RBKS: variants seen among roughly 807,000 people sequenced by gnomAD.
RBKS encodes the protein ribokinase.
RBKS carries 33 observed loss-of-function variants against 33.9 expected under a neutral mutation model. That is an observed-to-expected ratio of 0.97 (90% CI 0.74 to 1.30). The LOEUF (loss-of-function observed/expected upper bound fraction) is 1.30, where lower values mean the gene tolerates loss of function less well. Ranked by LOEUF, RBKS falls within the 50% of genes most tolerant of loss-of-function variation. RBKS has a pLI of 0.00. For synonymous variants in RBKS, 125 were observed against 143.0 expected, an observed-to-expected ratio of 0.87 and a Z score of 0.90; for missense variants, 361 against 392.6, an observed-to-expected ratio of 0.92 and a Z score of 0.68.
At chr2:27,857,556 G>T (rs189299645) in intron 2 of RBKS, among the ~76,000 whole-genome samples, 40 of 152,312 alleles carry the variant, frequency 2.6e-4, no homozygotes, top group Middle Eastern at 6.8e-3. Context: ...AGCATTAGAA[G>T]AAAATGACTT....
chr2:27,811,320 C>G (rs1378971412), intron 7 of RBKS, among the ~76,000 whole-genome samples: 1 of 152,186 alleles, frequency 6.6e-6, no homozygotes, highest in Non-Finnish European at 1.5e-5. Context: ...TCTTATTATG[C>G]CAGTGTGTCC....
chr2:27,815,914 T>C (rs1488969587), intron 7 of RBKS, among the ~76,000 whole-genome samples: 2 of 152,226 alleles, frequency 1.3e-5, no homozygotes, highest in Non-Finnish European at 2.9e-5. Flanking sequence ...TTTTCTGTAC[T>C]GTACATCCAC....
chr2:27,799,848 C>T (rs1340061636), intron 7 of RBKS, among the ~76,000 whole-genome samples: 2 of 152,144 alleles, frequency 1.3e-5, no homozygotes, highest in African/African-American at 4.8e-5. Flanking sequence ...GCTTGCTCTG[C>T]GCTCTCTTCC....
At chr2:27,854,465 A>T (rs1663812015) in intron 2 of RBKS, among the ~76,000 whole-genome samples, 1 of 152,206 alleles carries the variant, frequency 6.6e-6, no homozygotes, top group African/African-American at 2.4e-5. Context: ...ACGCTGGCTG[A>T]AAAGAGGAAA....
At chr2:27,834,761 C>T (rs1171365421) in intron 5 of RBKS, among the ~76,000 whole-genome samples, 1 of 152,188 alleles carries the variant, frequency 6.6e-6, no homozygotes, top group Non-Finnish European at 1.5e-5. Context: ...AGCATTTGAG[C>T]ACAGATTAGA....
At chr2:27,824,291 A>C (rs1228542226) in intron 7 of RBKS, among the ~76,000 whole-genome samples, 1 of 152,204 alleles carries the variant, frequency 6.6e-6, no homozygotes, top group Non-Finnish European at 1.5e-5. Context: ...GTATTGTCAC[A>C]ATGTTGTACA....
chr2:27,830,988 G>A (rs1678405469), intron 6 of RBKS, among the ~76,000 whole-genome samples: 1 of 152,144 alleles, frequency 6.6e-6, no homozygotes, highest in Non-Finnish European at 1.5e-5. Context: ...TACATGTTCT[G>A]GCCAACAACC....
intron 4 of RBKS, among the ~76,000 whole-genome samples, chr2:27,845,583 G>A (rs2148212878): frequency 6.6e-6 from 1 of 152,338 alleles, no homozygotes; most frequent in South Asian, 2.1e-4. Context: ...GGAATGAGCT[G>A]CTGTTGGCAG....
chr2:27,888,501 T>C (rs1664599849), intron 1 of RBKS, among the ~76,000 whole-genome samples: 2 of 152,238 alleles, frequency 1.3e-5, no homozygotes, highest in Admixed American at 1.3e-4. Flanking sequence ...GGATTTCCCA[T>C]GGAATGAATC....
chr2:27,890,301 C>G lies in RBKS; in HGVS notation c.45G>C (p.Val15=). The change falls in exon 1 of 8, where the codon GTG becomes GTC. Residue 15 remains valine, a synonymous_variant. Transcript: ENST00000302188. This position sits in a 1 kb window ranked among gnomAD's most constrained non-coding sequence, Gnocchi z 4.8. Reference sequence around the variant, plus strand: ...AGGAGCCCACCACTACCACCGCCGCCACCTCCTCTTGCCACTGCCTCTGGG... The same window carrying G: ...AGGAGCCCACCACTACCACCGCCGCGACCTCCTCTTGCCACTGCCTCTGGG... ...GEPQRQWQEE[V]AAVVVVGSCM... is the part of the protein sequence containing the mutation. 1 of 1,613,922 alleles carries G rather than the reference C, an allele frequency of 6.2e-7. No homozygotes were observed. The highest frequency in any genetic ancestry group is 8.5e-7 in the Non-Finnish European group (1 of 1,180,028).
At chr2:27,829,066 T>C (rs546539020) in intron 6 of RBKS, among the ~76,000 whole-genome samples, 14 of 152,192 alleles carry the variant, frequency 9.2e-5, no homozygotes, top group Admixed American at 3.3e-4. Flanking sequence ...TAATCTTTTA[T>C]TTTTGTAGAG....
At position 27,859,451 on chromosome 2, in the gene RBKS, G is replaced by A. The variant is rs367799907; in HGVS notation, c.90-880C>T. Among the ~76,000 whole-genome samples, 9 of 152,118 alleles carry A rather than the reference G, an allele frequency of 5.9e-5. No individual in the cohort carries two copies. The South Asian group carries it at 1.0e-3, about 18-fold the overall frequency. The stretch of plus-strand genomic sequence containing the variant: ...GCCTAATGATGATAGTATTAAGTGA[G>A]GCAAAAAGAATAAAAGGTTTGATCC... On this transcript the variant is annotated intron_variant, in intron 1 of 7. Transcript: ENST00000302188.
chr2:27,863,128 A>G (rs142320306), intron 1 of RBKS, among the ~76,000 whole-genome samples: 79 of 152,362 alleles, frequency 5.2e-4, no homozygotes, highest in African/African-American at 1.8e-3. Context: ...AAATAGTGTA[A>G]ATTTCTGAAT....
intron 7 of RBKS, among the ~76,000 whole-genome samples, chr2:27,794,849 C>G (rs1049732109): frequency 6.6e-6 from 1 of 152,128 alleles, no homozygotes; most frequent in South Asian, 2.1e-4. Context: ...GTCTCAAACT[C>G]CTGACCTTGG....
intron 1 of RBKS, among the ~76,000 whole-genome samples, chr2:27,874,120 A>C (rs4665399): frequency 0.99 from 151,226 of 152,354 alleles, 75,060 homozygotes; most frequent in South Asian, 1. Flanking sequence ...TTCAAAGAAA[A>C]CTTGTCCTTG....
At chr2:27,838,702 G>A (rs1021477433) in intron 5 of RBKS, among the ~76,000 whole-genome samples, 1 of 152,224 alleles carries the variant, frequency 6.6e-6, no homozygotes, top group African/African-American at 2.4e-5. Context: ...ATGCAAATCT[G>A]TAATAGACAA....
chr2:27,805,570 G>A (rs1188968134), intron 7 of RBKS, among the ~76,000 whole-genome samples: 1 of 152,068 alleles, frequency 6.6e-6, no homozygotes, highest in Non-Finnish European at 1.5e-5. Context: ...TTTTTCTTTT[G>A]TATTTTTTAT....
chr2:27,802,430 TTGTG>T lies in RBKS; in HGVS notation c.796-20646_796-20643del, dbSNP rs35820162. ...CCATTGTAGGTCAAGGAACATATGT[TTGTG>T]TGTGTGTGTGTGTGTGTGTGTATGT... On this transcript the variant is annotated intron_variant, in intron 7 of 7. Coordinates refer to ENST00000302188, the MANE Select transcript of RBKS (RefSeq NM_022128.3). Among the ~76,000 whole-genome samples, 51 of 149,080 alleles carry T rather than the reference TTGTG, an allele frequency of 3.4e-4. 1 individual carries two copies. The highest frequency in any genetic ancestry group is 7.9e-4 in the East Asian group (4 of 5,038).
At chr2:27,847,906 G>A in intron 3 of RBKS, 128 bp downstream of exon 3, 1 of 650,230 alleles carries the variant, frequency 1.5e-6, no homozygotes, top group Middle Eastern at 3.1e-4. Context: ...AATGGACAAA[G>A]CTGTGCATAG....
Sources: gnomAD v4.1 joint callset for allele counts (sites outside exome capture counted in the v4.1 genomes callset) on GRCh38, gnomAD v4.1.1 for gene constraint, Gnocchi (gnomAD v3.1) non-coding constraint, MANE v1.5 for transcripts, NCBI Gene and HGNC (gene_info 2026-07-23, HGNC 2026-07-21) for gene names.